PCDHA9: variants seen among roughly 807,000 people sequenced by gnomAD.
The protein encoded by PCDHA9 is protocadherin alpha-9.
A neutral mutation model predicts 62.0 loss-of-function variants in PCDHA9; 62 were observed. That is an observed-to-expected ratio of 1.00 (90% confidence interval 0.81 to 1.23). PCDHA9 has a LOEUF of 1.23. Among genes scored for constraint, PCDHA9 ranks in the 50% most tolerant of loss-of-function variants. PCDHA9 has a pLI of 0.00. For missense variants in PCDHA9, 1,205 were observed against 1,249.8 expected (o/e 0.96, Z 0.54); for synonymous variants, 557 against 567.6 (o/e 0.98, Z 0.27).
chr5:141,009,116 T>C (rs1382527068), intron 3 of PCDHA9, among the ~76,000 whole-genome samples: 1 of 152,236 alleles, frequency 6.6e-6, no homozygotes, highest in African/African-American at 2.4e-5. Flanking sequence ...TGAAACTAGA[T>C]TCTTGGTATC....
chr5:140,857,735 G>C (rs782288464), intron 1 of PCDHA9: 8 of 1,597,222 alleles, frequency 5.0e-6, no homozygotes, highest in South Asian at 1.1e-5. Flanking sequence ...CAACGCTCCC[G>C]CGCTGCTGGC....
rs1470524559 is a variant in PCDHA9 at position 140,848,664 on chromosome 5, G to A, written c.169G>A (p.Ala57Thr). 3.8e-6 allele frequency: 6 copies of A among 1,592,252 alleles called. No homozygotes were observed. The highest frequency in any genetic ancestry group is 4.3e-6 in the Non-Finnish European group (5 of 1,163,460). ...CGCGCAGGACCTGGGGCTGGAGCTG[G>A]CGGAGCTGGTGCCGCGCCTGTTCCA... Reference protein sequence around the residue: ...RIAQDLGLELAELVPRLFQLD... With the variant: ...RIAQDLGLELTELVPRLFQLD... The change falls in exon 1 of 4, where the codon GCG (alanine) becomes ACG (threonine). Residue 57 changes from alanine to threonine, a missense_variant. Around this residue, in one of 3 missense-constraint regions of PCDHA9, gnomAD observed 208 missense variants for 213.2 expected, o/e 0.98. Transcript: ENST00000532602.
At chr5:140,902,504 C>G (rs2069506794) in intron 1 of PCDHA9, among the ~76,000 whole-genome samples, 1 of 151,984 alleles carries the variant, frequency 6.6e-6, no homozygotes, top group African/African-American at 2.4e-5. Context: ...AGCTGTGAGT[C>G]TGTCATATAT....
At chr5:140,876,565 G>T (rs371696514) in intron 1 of PCDHA9, 1 of 1,614,182 alleles carries the variant, frequency 6.2e-7, no homozygotes, top group Non-Finnish European at 8.5e-7. Context: ...GGATGCTCAG[G>T]TGGGTACCGT....
intron 1 of PCDHA9, among the ~76,000 whole-genome samples, chr5:140,949,848 C>T (rs534650997): frequency 2.2e-4 from 34 of 151,738 alleles, no homozygotes; most frequent in African/African-American, 6.0e-4. Flanking sequence ...CTTCTGTTTC[C>T]GCTTATCTGT....
chr5:140,897,227 C>T (rs1554187259), intron 1 of PCDHA9, among the ~76,000 whole-genome samples: 1 of 152,036 alleles, frequency 6.6e-6, no homozygotes, highest in Non-Finnish European at 1.5e-5. Flanking sequence ...TACATGTGCA[C>T]AATGTGCAGG....
At chr5:140,869,267 A>G in intron 1 of PCDHA9, 1 of 1,613,490 alleles carries the variant, frequency 6.2e-7, no homozygotes, top group South Asian at 1.1e-5. Flanking sequence ...CTGGGGCTGG[A>G]GCTGGCGGAG....
intron 1 of PCDHA9, among the ~76,000 whole-genome samples, chr5:140,903,538 C>G (rs562932214): frequency 7.9e-5 from 12 of 152,208 alleles, no homozygotes; most frequent in African/African-American, 2.6e-4. Context: ...TAAACTAGAG[C>G]AAGAAACTTT....
rs781883995 is a variant in PCDHA9, at chr5:140,876,273, C to A, written c.2394+25384C>A. Reference sequence around the variant, plus strand: ...CAAGAGTGATCCAACTAAATGCTTCCGATCCAGACGAAGGACTTAATGGAG... The same window carrying A: ...CAAGAGTGATCCAACTAAATGCTTCAGATCCAGACGAAGGACTTAATGGAG... On this transcript the variant is annotated intron_variant, in intron 1 of 3. Coordinates refer to ENST00000532602, the MANE Select transcript of PCDHA9 (RefSeq NM_031857.2). 6.8e-6 allele frequency: 11 copies of A among 1,613,984 alleles called. No individual in the cohort carries two copies. The South Asian group carries it at 1.2e-4, about 18-fold the overall frequency.
intron 1 of PCDHA9, among the ~76,000 whole-genome samples, chr5:140,925,197 A>G (rs1259349657): frequency 1.3e-5 from 2 of 152,310 alleles, no homozygotes; most frequent in East Asian, 3.9e-4. Context: ...CCCAGCTTCA[A>G]TAATTATCGA....
chr5:140,937,937 G>T (rs1584936873), intron 1 of PCDHA9, among the ~76,000 whole-genome samples: 1 of 151,274 alleles, frequency 6.6e-6, no homozygotes. Flanking sequence ...AGTTTAATTT[G>T]ATAATTGGCT....
At chr5:140,966,825 T>C in intron 1 of PCDHA9, 3 of 1,560,026 alleles carry the variant, frequency 1.9e-6, no homozygotes, top group Non-Finnish European at 2.6e-6. Flanking sequence ...CGGCGGCCCA[T>C]GCCCTGGCTG....
rs202010088 is a variant in PCDHA9 at position 140,869,201 on chromosome 5, A to G, written c.2394+18312A>G. On this transcript the variant is annotated intron_variant, in intron 1 of 3. Transcript: ENST00000532602. ...GAGGTGGGGAGCGGCCAGCTCCACTACTCCGTCTCGGAGGAGGCCAAACAC... is the reference window on the plus strand; with the variant it reads ...GAGGTGGGGAGCGGCCAGCTCCACTGCTCCGTCTCGGAGGAGGCCAAACAC... 1.3e-3 allele frequency: 2,112 copies of G among 1,612,868 alleles called. 36 individuals carry two copies. The highest frequency in any genetic ancestry group is 1.6e-3 in the Admixed American group (96 of 59,934).
In PCDHA9 at chr5:140,857,593, G is replaced by C. The variant is rs782606088; in HGVS notation, c.2394+6704G>C. ...TGTCGGTGCACGCGGAGAGCGGCAAGGTGTACGCGCTGCAGCCGCTGGACC... is the reference window on the plus strand; with the variant it reads ...TGTCGGTGCACGCGGAGAGCGGCAACGTGTACGCGCTGCAGCCGCTGGACC... On this transcript the variant is annotated intron_variant, in intron 1 of 3. Coordinates refer to ENST00000532602, the MANE Select transcript of PCDHA9 (RefSeq NM_031857.2). 2.5e-6 allele frequency: 4 copies of C among 1,596,536 alleles called. No individual in the cohort carries two copies. The East Asian group carries it at 6.7e-5, about 27-fold the overall frequency.
At position 140,858,257 on chromosome 5, in the gene PCDHA9, C is replaced by G; in HGVS notation, c.2394+7368C>G. ...CGCATGTGGGCCGGTGAAGCCCACGCTGGTGTGCTCTAGCGCGGTGGGGAG... is the reference window on the plus strand; with the variant it reads ...CGCATGTGGGCCGGTGAAGCCCACGGTGGTGTGCTCTAGCGCGGTGGGGAG... On this transcript the variant is annotated intron_variant, in intron 1 of 3. Transcript: ENST00000532602. 2 of 1,596,668 alleles carry G rather than the reference C, an allele frequency of 1.3e-6. 1 individual carries two copies. Among genetic ancestry groups the G allele is most frequent in the Non-Finnish European group, 1.7e-6 (2 of 1,166,542 alleles).
At chr5:140,926,974 G>C (rs145276602) in intron 1 of PCDHA9, 2 of 1,610,140 alleles carry the variant, frequency 1.2e-6, no homozygotes, top group East Asian at 2.2e-5. Context: ...CTCAGTGCCG[G>C]AGGAGACGGA....
At chr5:140,871,861 T>C (rs1554165885) in intron 1 of PCDHA9, among the ~76,000 whole-genome samples, 1 of 152,272 alleles carries the variant, frequency 6.6e-6, no homozygotes, top group East Asian at 1.9e-4. Flanking sequence ...ATAATAACTA[T>C]GGATTATTTA....
chr5:140,928,510 A>T (rs782757628), intron 1 of PCDHA9: 1 of 1,614,166 alleles, frequency 6.2e-7, no homozygotes, highest in Non-Finnish European at 8.5e-7. Context: ...TGCAACAGTG[A>T]CTATAAACTT....
intron 1 of PCDHA9, among the ~76,000 whole-genome samples, chr5:140,874,488 A>G (rs1452122658): frequency 2.0e-5 from 3 of 152,254 alleles, no homozygotes; most frequent in African/African-American, 7.2e-5. Flanking sequence ...CAAAAGGTTG[A>G]TATCAAGTTC....
Sources: allele counts gnomAD v4.1 joint callset (sites outside exome capture counted in the v4.1 genomes callset), GRCh38; gene constraint gnomAD v4.1.1; regional missense constraint gnomAD v4.1.1; transcripts MANE v1.5; gene names NCBI Gene and HGNC (gene_info 2026-07-23, HGNC 2026-07-21).